COL5A1: variants seen among roughly 807,000 people sequenced by gnomAD.
COL5A1 encodes collagen type V alpha 1 chain, also known as collagen alpha-1(V) chain.
COL5A1 carries 16 observed loss-of-function variants against 263.7 expected under a neutral mutation model. The ratio of observed to expected loss-of-function variants is 0.06; its 90% CI spans 0.04 to 0.09. The LOEUF (loss-of-function observed/expected upper bound fraction) is 0.09, where lower values mean the gene tolerates loss of function less well. Among genes scored for constraint, COL5A1 ranks in the 10% least tolerant of loss-of-function variants. The pLI is 1.00. For missense variants in COL5A1, 2,036 were observed against 2,540.5 expected (o/e 0.80, Z 4.27); for synonymous variants, 1,012 against 1,004.5 (o/e 1.01, Z -0.14).
chr9:134,756,906 G>A (rs958305356), intron 17 of COL5A1, 88 bp downstream of exon 17: 99 of 1,266,134 alleles, frequency 7.8e-5, no homozygotes, highest in Non-Finnish European at 1.1e-4. Flanking sequence ...CTGGTTATGT[G>A]ATGACTACGA....
intron 42 of COL5A1, chr9:134,808,904 G>T (rs1023235618): frequency 1.9e-6 from 1 of 524,022 alleles, no homozygotes; most frequent in Non-Finnish European, 3.5e-6. Flanking sequence ...TGTCTCTACT[G>T]CTCACTAACT....
intron 9 of COL5A1, among the ~76,000 whole-genome samples, chr9:134,737,889 G>A (rs1835160409): frequency 6.6e-6 from 1 of 152,194 alleles, no homozygotes; most frequent in Non-Finnish European, 1.5e-5. Context: ...GTGGGCAGGT[G>A]GACATGGCAG....
chr9:134,800,796 A>G (rs933034794), intron 37 of COL5A1, among the ~76,000 whole-genome samples: 2 of 143,510 alleles, frequency 1.4e-5, no homozygotes, highest in African/African-American at 5.1e-5. Context: ...CTGTGGGTTC[A>G]TGTGGCCCCG....
chr9:134,753,236 C>T (rs904031982), intron 14 of COL5A1, among the ~76,000 whole-genome samples: 3 of 152,226 alleles, frequency 2.0e-5, no homozygotes, highest in African/African-American at 7.2e-5. Context: ...CCTGTGGCCT[C>T]AACTTAGCTC....
At chr9:134,809,079 A>C in intron 42 of COL5A1, 104 bp from the exon 43 acceptor site, 2 of 1,028,476 alleles carry the variant, frequency 1.9e-6, no homozygotes, top group Middle Eastern at 2.0e-4. Flanking sequence ...ACCCTCACCA[A>C]CTCCCACTTC....
chr9:134,667,191 T>C (rs889947919), intron 1 of COL5A1, among the ~76,000 whole-genome samples: 3 of 152,192 alleles, frequency 2.0e-5, no homozygotes, highest in Non-Finnish European at 4.4e-5. Context: ...TCAGTGCCTG[T>C]CCTGTTATTT....
chr9:134,811,493 G>C lies in COL5A1; in HGVS notation c.3584G>C (p.Gly1195Ala). 6.2e-7 allele frequency: 1 copy of C among 1,613,522 alleles called. No homozygotes were observed. The highest frequency in any genetic ancestry group is 8.5e-7 in the Non-Finnish European group (1 of 1,179,702). The change falls in exon 46 of 66, where the codon GGA becomes GCA. Residue 1195 changes from glycine to alanine, a missense_variant and splice_region_variant. Gly to Ala is a moderately conservative substitution (Grantham distance 60). Transcript: ENST00000371817. ...CCATGGCCGGTTATTTCCCTGCAGG[G>C]AGCTGACGGCGAGCCGGGGCCTCGG... ...QGPIGQPGPS[G>A]ADGEPGPRGQ...
chr9:134,692,358 C>T (rs535565891), intron 2 of COL5A1, among the ~76,000 whole-genome samples: 2 of 152,330 alleles, frequency 1.3e-5, no homozygotes, highest in East Asian at 1.9e-4. Context: ...GCAGCGGTTT[C>T]GTTTCTCCAG....
chr9:134,728,819 G>A lies in COL5A1; in HGVS notation c.924+12G>A. 1 of 1,614,006 alleles carries A rather than the reference G, an allele frequency of 6.2e-7. No individual in the cohort carries two copies. Among genetic ancestry groups the A allele is most frequent in the Non-Finnish European group, 8.5e-7 (1 of 1,180,008 alleles). On this transcript the variant is annotated intron_variant, in intron 6 of 65. Coordinates refer to ENST00000371817, the MANE Select transcript of COL5A1 (RefSeq NM_000093.5). Reference sequence around the variant, plus strand: ...CAGAGGTCCCCGAGGTCTGGGCTGAGCGGGGGACTGGGTTGGGCTGGGCCC... The same window carrying A: ...CAGAGGTCCCCGAGGTCTGGGCTGAACGGGGGACTGGGTTGGGCTGGGCCC...
In COL5A1 at chr9:134,786,075, C is replaced by T. The variant is rs13301426; in HGVS notation, c.2646+27C>T. ...TAACTTCTGGCCGTGTTAGGTGTCCCGGGACAGGCGGAGGGATGTTCTGCC... is the reference window on the plus strand; with the variant it reads ...TAACTTCTGGCCGTGTTAGGTGTCCTGGGACAGGCGGAGGGATGTTCTGCC... On this transcript the variant is annotated intron_variant, in intron 31 of 65. Coordinates refer to ENST00000371817, the MANE Select transcript of COL5A1 (RefSeq NM_000093.5). 114,276 of 1,593,512 alleles carry T rather than the reference C, an allele frequency of 0.072. 4,269 individuals are homozygous for T. Among genetic ancestry groups the T allele is most frequent in the Non-Finnish European group, 0.075 (87,905 of 1,166,914 alleles).
At chr9:134,691,558 A>C (rs1416476232) in intron 2 of COL5A1, 1 of 171,558 alleles carries the variant, frequency 5.8e-6, no homozygotes, top group African/African-American at 2.4e-5. Context: ...ATGAGAGTCA[A>C]CTGCTAAATG....
rs1458502421 is a variant in COL5A1, at chr9:134,647,411, G to A, written c.109+5115G>A. On this transcript the variant is annotated intron_variant, in intron 1 of 65. Coordinates refer to ENST00000371817, the MANE Select transcript of COL5A1 (RefSeq NM_000093.5). The surrounding 1 kb of genome is among the most constrained non-coding windows in gnomAD (Gnocchi z 5.0). Reference sequence around the variant, plus strand: ...TGTGTGTGTGTCAGGCCGTGTGCACGTGTGGACAATGTGTATATCTCCCCG... The same window carrying A: ...TGTGTGTGTGTCAGGCCGTGTGCACATGTGGACAATGTGTATATCTCCCCG... Among the ~76,000 whole-genome samples the A allele has an allele frequency of 2.0e-5, 3 of 152,120 alleles. No homozygotes were observed.
At position 134,781,410 on chromosome 9, in the gene COL5A1, C is replaced by T. The variant is rs181969128; in HGVS notation, c.2431-1257C>T. 4.9e-3 allele frequency among the ~76,000 whole-genome samples: 741 copies of T among 152,352 alleles called. 9 individuals carry two copies. Among genetic ancestry groups the T allele is most frequent in the African/African-American group, 0.016 (663 of 41,592 alleles). ...TTCTACGTGGAGCCCGTCGGGGCTT[C>T]GGAACACGAGGGCCTTACGAACACA... On this transcript the variant is annotated intron_variant, in intron 28 of 65. Transcript: ENST00000371817.
In COL5A1 at chr9:134,802,026, A is replaced by G. The variant is rs1451775172; in HGVS notation, c.3006+19A>G. 1 of 1,612,474 alleles carries G rather than the reference A, an allele frequency of 6.2e-7. No homozygotes were observed. Among genetic ancestry groups the G allele is most frequent in the Non-Finnish European group, 8.5e-7 (1 of 1,179,238 alleles). ...CCCTCAGGTAAGCTCCAGCCTTCCC[A>G]GATTCCATGGGTCACTCGGTGTCAC... On this transcript the variant is annotated intron_variant, in intron 38 of 65. Transcript: ENST00000371817.
At chr9:134,660,836 C>A (rs1351782090) in intron 1 of COL5A1, among the ~76,000 whole-genome samples, 1 of 152,154 alleles carries the variant, frequency 6.6e-6, no homozygotes, top group Non-Finnish European at 1.5e-5. Context: ...TCTTTGAGTT[C>A]TTCTTGCATC....
chr9:134,754,458 T>C lies in COL5A1; in HGVS notation c.1827+132T>C. 1 of 1,021,390 alleles carries C rather than the reference T, an allele frequency of 9.8e-7. No homozygotes were observed. The highest frequency in any genetic ancestry group is 1.5e-6 in the Non-Finnish European group (1 of 655,694). 63.3% of individuals were successfully genotyped at this position (1,021,390 alleles called of 1,614,324 possible). On this transcript the variant is annotated intron_variant, in intron 16 of 65. Coordinates refer to ENST00000371817, the MANE Select transcript of COL5A1 (RefSeq NM_000093.5). This position sits in a 1 kb window ranked among gnomAD's most constrained non-coding sequence, Gnocchi z 4.3. ...AGGTGGCTCCCCTTCTTGTGATGGGTGCGTCCATCCCCAAGGCTGCCTCTG... is the reference window on the plus strand; with the variant it reads ...AGGTGGCTCCCCTTCTTGTGATGGGCGCGTCCATCCCCAAGGCTGCCTCTG...
chr9:134,663,067 G>C (rs1007760547), intron 1 of COL5A1, among the ~76,000 whole-genome samples: 2 of 152,240 alleles, frequency 1.3e-5, no homozygotes, highest in South Asian at 2.1e-4. Context: ...CTTTGCTGAG[G>C]GGGTGGTTGA....
chr9:134,739,325 T>TC (rs1303207007), intron 11 of COL5A1, among the ~76,000 whole-genome samples: 4 of 152,176 alleles, frequency 2.6e-5, no homozygotes, highest in Non-Finnish European at 5.9e-5. Context: ...TGGTGGGCGC[T>TC]CCAAGTACTG....
chr9:134,785,159 C>A, intron 30 of COL5A1, 63 bp downstream of exon 30: 2 of 1,377,906 alleles, frequency 1.5e-6, no homozygotes, highest in Non-Finnish European at 2.1e-6. Context: ...TTCCCCATGG[C>A]CTCGGGCTCC....
Sources: allele counts gnomAD v4.1 joint callset (sites outside exome capture counted in the v4.1 genomes callset), GRCh38; gene constraint gnomAD v4.1.1; non-coding constraint Gnocchi (gnomAD v3.1); transcripts MANE v1.5; gene names NCBI Gene and HGNC (gene_info 2026-07-23, HGNC 2026-07-21).